The following PEAK1 variants were observed in gnomAD, a reference collection of about 807,000 sequenced individuals.
PEAK1 encodes pseudopodium enriched atypical kinase 1.
In PEAK1, 54 loss-of-function variants were observed where a neutral mutation model predicts 124.7. The ratio of observed to expected loss-of-function variants is 0.43; its 90% CI spans 0.35 to 0.54. The LOEUF (loss-of-function observed/expected upper bound fraction) is 0.54, where lower values mean the gene tolerates loss of function less well. Ranked by LOEUF, PEAK1 falls within the 20% of genes least tolerant of loss-of-function variation. The pLI is 0.01. For synonymous variants in PEAK1, 719 were observed against 760.0 expected (o/e 0.95, Z 0.89); for missense variants, 2,046 against 2,134.5 (o/e 0.96, Z 0.82).
chr15:77,149,140 A>G (rs1196871983), intron 8 of PEAK1, among the ~76,000 whole-genome samples: 1 of 152,192 alleles, frequency 6.6e-6, no homozygotes, highest in Non-Finnish European at 1.5e-5. Context: ...CAAGTGGGCA[A>G]TGACACAGCT....
intron 2 of PEAK1, among the ~76,000 whole-genome samples, chr15:77,327,787 A>G (rs550308004): frequency 1.4e-4 from 21 of 152,262 alleles, no homozygotes; most frequent in African/African-American, 5.1e-4. Context: ...ATAAGGGGGA[A>G]AAAATGCAAC....
intron 9 of PEAK1, among the ~76,000 whole-genome samples, chr15:77,119,577 GA>G (rs1441551711): frequency 6.6e-6 from 1 of 152,084 alleles, no homozygotes; most frequent in Non-Finnish European, 1.5e-5. Flanking sequence ...GGGGAGAGGG[GA>G]AACAACATAT....
At chr15:77,347,830 T>C in intron 2 of PEAK1, 1 of 985,208 alleles carries the variant, frequency 1.0e-6, no homozygotes, top group South Asian at 4.7e-5. Context: ...AAACAGTGTT[T>C]AAGTTCAAAA....
chr15:77,257,162 T>C (rs2061195590), intron 5 of PEAK1, among the ~76,000 whole-genome samples: 1 of 152,192 alleles, frequency 6.6e-6, no homozygotes, highest in African/African-American at 2.4e-5. Context: ...GTCTTTACTA[T>C]TGTGAACAGT....
At chr15:77,282,908 C>A (rs576414844) in intron 5 of PEAK1, among the ~76,000 whole-genome samples, 1 of 152,068 alleles carries the variant, frequency 6.6e-6, no homozygotes, top group Non-Finnish European at 1.5e-5. Context: ...TCCTTTAAGG[C>A]ACCATTAAAA....
At chr15:77,332,627 A>G (rs2153033940) in intron 2 of PEAK1, among the ~76,000 whole-genome samples, 1 of 152,214 alleles carries the variant, frequency 6.6e-6, no homozygotes, top group Admixed American at 6.5e-5. Flanking sequence ...ATAATAGGAA[A>G]GTTAGAGGAA....
Position 77,180,254 on chromosome 15 carries a change from T to C in PEAK1, c.1673A>G (p.Asn558Ser). Residue 558 changes from asparagine (N) to serine (S), a missense_variant, in exon 7 of 10, where the codon AAT (asparagine) becomes AGT (serine). Coordinates refer to ENST00000682557, the MANE Select transcript of PEAK1 (RefSeq NM_001385026.1). ...GTGACAGTTTTTCCTTGGAGGAACATTTGGTCCAGTTCCACTAGTAATTAG... is the reference window on the plus strand; with the variant it reads ...GTGACAGTTTTTCCTTGGAGGAACACTTGGTCCAGTTCCACTAGTAATTAG... Reference protein sequence around the residue: ...VELITSGTGPNVPPRKNCHKS... With the variant: ...VELITSGTGPSVPPRKNCHKS... 1 of 1,614,178 alleles carries C rather than the reference T, an allele frequency of 6.2e-7. No individual in the cohort carries two copies. Among genetic ancestry groups the C allele is most frequent in the Admixed American group, 1.7e-5 (1 of 60,024 alleles).
intron 5 of PEAK1, among the ~76,000 whole-genome samples, chr15:77,268,575 G>T (rs927975725): frequency 4.6e-5 from 7 of 151,984 alleles, no homozygotes; most frequent in Non-Finnish European, 1.0e-4. Context: ...AAATCTAAAA[G>T]TTTGGAAAAC....
intron 2 of PEAK1, among the ~76,000 whole-genome samples, chr15:77,299,560 T>A (rs969696964): frequency 1.1e-4 from 16 of 152,246 alleles, no homozygotes; most frequent in African/African-American, 3.9e-4. Flanking sequence ...TATTTAATCG[T>A]CAAGTGTGTC....
chr15:77,276,292 A>G (rs2062322193), intron 5 of PEAK1, among the ~76,000 whole-genome samples: 4 of 152,212 alleles, frequency 2.6e-5, no homozygotes, highest in African/African-American at 9.6e-5. Flanking sequence ...AAAACACATC[A>G]AAGTCAAACT....
chr15:77,256,839 T>C lies in PEAK1; in HGVS notation c.-274-4313A>G, dbSNP rs536602513. 2.0e-5 allele frequency among the ~76,000 whole-genome samples: 3 copies of C among 152,218 alleles called. No homozygotes were observed. The South Asian group carries it at 6.2e-4, about 32-fold the overall frequency. On this transcript the variant is annotated intron_variant, in intron 5 of 9. Transcript: ENST00000682557. Reference sequence around the variant, plus strand: ...GTGCTGCACCCATTAACTCGTCATTTAGCATTAGCTATATCTCCTAATGCT... The same window carrying C: ...GTGCTGCACCCATTAACTCGTCATTCAGCATTAGCTATATCTCCTAATGCT...
intron 2 of PEAK1, among the ~76,000 whole-genome samples, chr15:77,293,253 T>C (rs2063316065): frequency 6.6e-6 from 1 of 152,174 alleles, no homozygotes; most frequent in Non-Finnish European, 1.5e-5. Flanking sequence ...CCAAAAATGT[T>C]ACTGCCACTG....
chr15:77,189,324 T>C (rs1289863810), intron 6 of PEAK1, among the ~76,000 whole-genome samples: 1 of 152,176 alleles, frequency 6.6e-6, no homozygotes. Context: ...AGCTAGTAAA[T>C]GGCAGAGCCA....
At chr15:77,347,214 G>A in intron 2 of PEAK1, 1 of 982,994 alleles carries the variant, frequency 1.0e-6, no homozygotes, top group Non-Finnish European at 1.2e-6. Context: ...TCTTCAAAGT[G>A]CCACGGCCAT....
At chr15:77,345,297 T>C (rs1034430719) in intron 2 of PEAK1, among the ~76,000 whole-genome samples, 1 of 152,218 alleles carries the variant, frequency 6.6e-6, no homozygotes, top group African/African-American at 2.4e-5. Flanking sequence ...TGAGATAGAT[T>C]GTGTGTTTTT....
chr15:77,303,381 TTCCTGTTAC>T lies in PEAK1; in HGVS notation c.-602-16886_-602-16878del, dbSNP rs1336396128. Among the ~76,000 whole-genome samples the T allele has an allele frequency of 3.3e-5, 5 of 152,042 alleles. No homozygotes were observed. The East Asian group carries it at 5.8e-4, about 18-fold the overall frequency. On this transcript the variant is annotated intron_variant, in intron 2 of 9. Transcript: ENST00000682557. The stretch of plus-strand genomic sequence containing the variant: ...CATTCTCACCAGCAATGAATGAGAG[TTCCTGTTAC>T]TCCTGTTACTCCACATCCTCACCAG...
intron 6 of PEAK1, among the ~76,000 whole-genome samples, chr15:77,197,905 GCAGA>G (rs1331176931): frequency 6.6e-6 from 1 of 151,652 alleles, no homozygotes; most frequent in African/African-American, 2.4e-5. Context: ...GATAAAACTC[GCAGA>G]CAAACCATGT....
At chr15:77,221,337 T>A (rs995215602) in intron 6 of PEAK1, among the ~76,000 whole-genome samples, 1 of 152,124 alleles carries the variant, frequency 6.6e-6, no homozygotes, top group African/African-American at 2.4e-5. Context: ...ATGGATGTCC[T>A]AGGCAAGATT....
chr15:77,334,746 A>AT (rs1400802720), intron 2 of PEAK1: 1 of 985,094 alleles, frequency 1.0e-6, no homozygotes, highest in Non-Finnish European at 1.2e-6. Flanking sequence ...TGTACAATAC[A>AT]TTTTATCTCC....
Sources: allele counts gnomAD v4.1 joint callset (sites outside exome capture counted in the v4.1 genomes callset), GRCh38; gene constraint gnomAD v4.1.1; transcripts MANE v1.5; gene names NCBI Gene and HGNC (gene_info 2026-07-23, HGNC 2026-07-21).